ATG13: variants seen among roughly 807,000 people sequenced by gnomAD.
ATG13 encodes autophagy-related protein 13.
In ATG13, 23 loss-of-function variants were observed where a neutral mutation model predicts 65.5. The observed-to-expected ratio is 0.35, with a 90% CI of 0.25 to 0.50. The LOEUF (loss-of-function observed/expected upper bound fraction) is 0.50. Among genes scored for constraint, ATG13 ranks in the 20% least tolerant of loss-of-function variants. ATG13 has a pLI of 0.98. For missense variants in ATG13, 566 were observed against 677.0 expected, an observed-to-expected ratio of 0.84 and a Z score of 1.82; for synonymous variants, 252 against 245.2, an observed-to-expected ratio of 1.03 and a Z score of -0.26.
chr11:46,667,071 A>G (rs1252937599), intron 14 of ATG13, among the ~76,000 whole-genome samples: 6 of 152,218 alleles, frequency 3.9e-5, no homozygotes, highest in Non-Finnish European at 8.8e-5. Flanking sequence ...ATCCAGGAGT[A>G]GCTAAAGACA....
chr11:46,658,345 C>G (rs1312887941), intron 10 of ATG13, among the ~76,000 whole-genome samples: 2 of 152,108 alleles, frequency 1.3e-5, no homozygotes, highest in Middle Eastern at 3.2e-3. Flanking sequence ...GGAGTCTCTA[C>G]TACTGATAAT....
chr11:46,638,528 C>G (rs553294877), intron 2 of ATG13: 1 of 152,252 alleles, frequency 6.6e-6, no homozygotes, highest in African/African-American at 2.4e-5. Flanking sequence ...AACACTGGAA[C>G]TTATTCCTCC....
intron 1 of ATG13, among the ~76,000 whole-genome samples, chr11:46,619,854 C>T (rs1202747659): frequency 6.6e-6 from 1 of 151,284 alleles, no homozygotes; most frequent in African/African-American, 2.4e-5. Flanking sequence ...AAGGTGAAAC[C>T]CCGTCTCTAC....
At chr11:46,658,162 GT>G (rs1476782116) in intron 10 of ATG13, among the ~76,000 whole-genome samples, 1 of 152,090 alleles carries the variant, frequency 6.6e-6, no homozygotes, top group Non-Finnish European at 1.5e-5. Context: ...AAATTAATTG[GT>G]TTTCAGGTTA....
chr11:46,650,373 T>A, intron 7 of ATG13, 56 bp downstream of exon 7: 2 of 1,560,344 alleles, frequency 1.3e-6, no homozygotes, highest in East Asian at 4.5e-5. Context: ...ACTTTGTACA[T>A]TGTCTGGCAT....
At chr11:46,661,184 A>C (rs28521736) in intron 11 of ATG13, among the ~76,000 whole-genome samples, 2 of 151,852 alleles carry the variant, frequency 1.3e-5, no homozygotes, top group Non-Finnish European at 2.9e-5. Context: ...AAATTAAAAA[A>C]TTTTTTCCAT....
chr11:46,665,286 G>T (rs1261028847), intron 13 of ATG13, 97 bp from the exon 14 acceptor site: 33 of 1,465,156 alleles, frequency 2.3e-5, no homozygotes, highest in Non-Finnish European at 1.3e-5. Context: ...CGTTGGTGAT[G>T]GAAAAGTCAA....
At chr11:46,630,814 G>C (rs1181788797) in intron 2 of ATG13, 1 of 151,868 alleles carries the variant, frequency 6.6e-6, no homozygotes, top group Admixed American at 6.6e-5. Flanking sequence ...TGATCCTCCT[G>C]CCTTGGCCTC....
Position 46,649,198 on chromosome 11 carries a change from T to A in ATG13, c.317+15T>A. On this transcript the variant is annotated intron_variant, in intron 6 of 18. Coordinates refer to ENST00000683050, the MANE Select transcript of ATG13 (RefSeq NM_001346311.2). ...ATGAATGAAAAGTAAGTGCTGCGTC[T>A]TAGGGTCCTTGGTTGTGGTTGCTGA... The A allele has an allele frequency of 6.2e-7, 1 of 1,610,524 alleles. No homozygotes were observed. Among genetic ancestry groups the A allele is most frequent in the Non-Finnish European group, 8.5e-7 (1 of 1,178,024 alleles).
At chr11:46,664,343 T>C (rs2061820263) in intron 12 of ATG13, among the ~76,000 whole-genome samples, 1 of 152,152 alleles carries the variant, frequency 6.6e-6, no homozygotes, top group Non-Finnish European at 1.5e-5. Flanking sequence ...GATTTTTAAA[T>C]AAACAACTCA....
At chr11:46,658,348 C>G (rs529400871) in intron 10 of ATG13, among the ~76,000 whole-genome samples, 1 of 152,126 alleles carries the variant, frequency 6.6e-6, no homozygotes, top group Non-Finnish European at 1.5e-5. Flanking sequence ...GTCTCTACTA[C>G]TGATAATTCT....
chr11:46,664,828 C>T (rs756788507), intron 12 of ATG13, 21 bp from the exon 13 acceptor site: 14 of 1,601,712 alleles, frequency 8.7e-6, no homozygotes, highest in Non-Finnish European at 1.2e-5. Context: ...CTTTTCTCCT[C>T]TTTGTTTTTC....
chr11:46,648,526 C>G (rs1462924136), intron 5 of ATG13, among the ~76,000 whole-genome samples: 1 of 151,950 alleles, frequency 6.6e-6, no homozygotes, highest in South Asian at 2.1e-4. Context: ...CGCCTGTAAT[C>G]CCAGCACTTT....
At position 46,669,497 on chromosome 11, in the gene ATG13, A is replaced by G. The variant is rs772415112; in HGVS notation, c.1540A>G (p.Ile514Val). Residue 514 changes from isoleucine to valine, a missense_variant, in exon 18 of 19, where the codon ATA becomes GTA. Around this residue, in one of 2 missense-constraint regions of ATG13, gnomAD observed 387 missense variants for 409.8 expected, o/e 0.94. Transcript: ENST00000683050. The part of the protein sequence containing the change: ...QNPPQLSSLS[I>V]DIGAQSMAED... The stretch of plus-strand genomic sequence containing the variant: ...CCCACCTCAGCTGAGCAGCCTCTCC[A>G]TAGATATTGGAGCACAGTCCATGGC... 6 of 1,614,100 alleles carry G rather than the reference A, an allele frequency of 3.7e-6. No homozygotes were observed. The highest frequency in any genetic ancestry group is 2.2e-5 in the East Asian group (1 of 44,858).
intron 2 of ATG13, among the ~76,000 whole-genome samples, chr11:46,634,725 G>A (rs1201163566): frequency 2.0e-5 from 3 of 150,432 alleles, no homozygotes; most frequent in East Asian, 2.0e-4. Context: ...TTTTTGAGAC[G>A]GAGTCTTGCT....
chr11:46,647,319 G>A lies in ATG13; in HGVS notation c.270+1330G>A, dbSNP rs552547580. Among the ~76,000 whole-genome samples, 44 of 145,696 alleles carry A rather than the reference G, an allele frequency of 3.0e-4. No individual in the cohort carries two copies. The South Asian group carries it at 7.4e-3, about 24-fold the overall frequency. ...TTTTTTTTTTTTGAGACAGAGTCGC[G>A]TAGGTTGGAGCGCAGTGGCATGATC... On this transcript the variant is annotated intron_variant, in intron 5 of 18. Transcript: ENST00000683050.
Position 46,658,663 on chromosome 11 carries a change from G to A in ATG13, c.696-729G>A, listed in dbSNP as rs2060519185. The stretch of plus-strand genomic sequence containing the variant: ...CAGTTCTCCTGCCTGAGCCTCCCGA[G>A]TAGCTGGGGTTACAGGCATGCGCCA... On this transcript the variant is annotated intron_variant, in intron 10 of 18. Coordinates refer to ENST00000683050, the MANE Select transcript of ATG13 (RefSeq NM_001346311.2). 6.6e-5 allele frequency among the ~76,000 whole-genome samples: 10 copies of A among 151,800 alleles called. No individual in the cohort carries two copies. In the South Asian group the frequency reaches 2.1e-3, roughly 32 times the overall value.
At chr11:46,634,437 C>T (rs574475983) in intron 2 of ATG13, among the ~76,000 whole-genome samples, 89 of 146,014 alleles carry the variant, frequency 6.1e-4, no homozygotes, top group Non-Finnish European at 9.4e-4. Flanking sequence ...GAGTTTTTGT[C>T]GCCCAGGCTG....
chr11:46,665,253 G>C (rs920510947), intron 13 of ATG13, 130 bp from the exon 14 acceptor site: 17 of 1,150,418 alleles, frequency 1.5e-5, no homozygotes, highest in Non-Finnish European at 2.0e-5. Context: ...AAGATCCAGG[G>C]ATTGCTGCCT....
Sources: allele counts gnomAD v4.1 joint callset (sites outside exome capture counted in the v4.1 genomes callset), GRCh38; gene constraint gnomAD v4.1.1; regional missense constraint gnomAD v4.1.1; transcripts MANE v1.5; gene names NCBI Gene and HGNC (gene_info 2026-07-23, HGNC 2026-07-21).